The following MACF1 variants were observed in gnomAD, a reference collection of about 807,000 sequenced individuals.
MACF1 encodes microtubule actin crosslinking factor 1, also known as microtubule-actin cross-linking factor 1.
In MACF1, 193 loss-of-function variants were observed where a neutral mutation model predicts 854.8. That is an observed-to-expected ratio of 0.23 (90% CI 0.20 to 0.25). The LOEUF is 0.25. Among genes scored for constraint, MACF1 ranks in the 10% least tolerant of loss-of-function variants. The pLI is 1.00. For missense variants in MACF1, 7,722 were observed against 8,929.1 expected, an observed-to-expected ratio of 0.86 and a Z score of 5.45; for synonymous variants, 3,185 against 3,226.7, an observed-to-expected ratio of 0.99 and a Z score of 0.44.
At chr1:39,242,665 G>A (rs1327846769) in intron 2 of MACF1, among the ~76,000 whole-genome samples, 1 of 150,372 alleles carries the variant, frequency 6.7e-6, no homozygotes, top group African/African-American at 2.5e-5. Context: ...AGCCCAGGAA[G>A]TCGAGGCTAT....
chr1:39,106,257 T>C (rs1642233666), intron 2 of MACF1, among the ~76,000 whole-genome samples: 1 of 152,084 alleles, frequency 6.6e-6, no homozygotes. Context: ...CAGTTTTTGG[T>C]GGCGAGACCT....
chr1:39,332,463 C>T lies in MACF1; in HGVS notation c.5875C>T (p.Gln1959Ter). ...SKSHPKATAS[Q>*]SENLLFQLMT... ...GAGCCACCCTAAGGCCACAGCAAGC[C>T]AGAGTGAGAATCTGTTGTTCCAGCT... The change falls in exon 37 of 101, where the codon CAG (glutamine) becomes TAG (stop). Residue 1959 changes from glutamine (Q) to a stop codon, truncating the protein, a stop_gained. Coordinates refer to ENST00000564288, the MANE Select transcript of MACF1 (RefSeq NM_001394062.1). LOFTEE classifies it high-confidence loss of function. The T allele has an allele frequency of 6.2e-7, 1 of 1,614,024 alleles. No individual in the cohort carries two copies. Among genetic ancestry groups the T allele is most frequent in the Non-Finnish European group, 8.5e-7 (1 of 1,180,030 alleles).
Position 39,379,457 on chromosome 1 carries a change from C to T in MACF1, c.13518+13C>T. The T allele has an allele frequency of 6.2e-7, 1 of 1,602,092 alleles. No homozygotes were observed. Among genetic ancestry groups the T allele is most frequent in the Non-Finnish European group, 8.5e-7 (1 of 1,174,158 alleles). On this transcript the variant is annotated intron_variant, in intron 54 of 100. Transcript: ENST00000564288. Reference sequence around the variant, plus strand: ...TGAATCTAACAAGGTACTGTGTTTACATTAGTTGCCTCCCAACACCAAGAG... The same window carrying T: ...TGAATCTAACAAGGTACTGTGTTTATATTAGTTGCCTCCCAACACCAAGAG...
intron 58 of MACF1, among the ~76,000 whole-genome samples, chr1:39,406,756 A>AAAAAAC (rs746955922): frequency 7.8e-5 from 9 of 116,078 alleles, no homozygotes; most frequent in South Asian, 2.6e-4. Context: ...AAAAAAAAAA[A>AAAAAAC]AACATTCTTT....
At chr1:39,307,772 C>G (rs567902385) in intron 23 of MACF1, among the ~76,000 whole-genome samples, 1 of 151,228 alleles carries the variant, frequency 6.6e-6, no homozygotes, top group East Asian at 2.0e-4. Context: ...CGGGGTTTCG[C>G]CATGTTGGCC....
intron 70 of MACF1, 111 bp from the exon 71 acceptor site, chr1:39,437,666 C>A: frequency 1.1e-6 from 1 of 932,094 alleles, no homozygotes; most frequent in African/African-American, 1.6e-5. Flanking sequence ...CTAAACTGAG[C>A]ACAGGTTATC....
chr1:39,345,805 C>T (rs953980993), intron 40 of MACF1, among the ~76,000 whole-genome samples: 10 of 151,866 alleles, frequency 6.6e-5, no homozygotes, highest in South Asian at 2.1e-4. Context: ...GTGTGGCTCA[C>T]GCCTGTAATC....
chr1:39,433,274 A>C lies in MACF1; in HGVS notation c.17565+119A>C, dbSNP rs926073469. ...CTCCTGGACTTTTCTTATGATTGTT[A>C]TTAAAGTCCAGCTTGATGTTCTGGG... On this transcript the variant is annotated intron_variant, in intron 68 of 100. Coordinates refer to ENST00000564288, the MANE Select transcript of MACF1 (RefSeq NM_001394062.1). 22 of 577,376 alleles carry C rather than the reference A, an allele frequency of 3.8e-5. No homozygotes were observed. The African/African-American group carries it at 4.2e-4, about 11-fold the overall frequency. 35.8% of individuals were successfully genotyped at this position (577,376 alleles called of 1,614,324 possible).
chr1:39,201,301 T>A (rs1281558389), upstream of MACF1, among the ~76,000 whole-genome samples: 1 of 152,196 alleles, frequency 6.6e-6, no homozygotes, highest in Non-Finnish European at 1.5e-5. Flanking sequence ...GCATTATAGC[T>A]GGTTTCCCTG....
intron 36 of MACF1, 171 bp from the exon 37 acceptor site, chr1:39,331,032 C>G (rs1646714569): frequency 2.2e-6 from 2 of 906,076 alleles, no homozygotes; most frequent in African/African-American, 3.4e-5. Flanking sequence ...GACTCCTGAC[C>G]TCATGATTTG....
chr1:39,203,175 C>A (rs1199420692), upstream of MACF1, among the ~76,000 whole-genome samples: 1 of 152,118 alleles, frequency 6.6e-6, no homozygotes, highest in Non-Finnish European at 1.5e-5. Context: ...ACTATAGCAT[C>A]TTCATCTATA....
At chr1:39,177,385 G>A (rs1458975711) in intron 2 of MACF1, among the ~76,000 whole-genome samples, 1 of 152,146 alleles carries the variant, frequency 6.6e-6, no homozygotes, top group Non-Finnish European at 1.5e-5. Context: ...GCCTCCCAAA[G>A]TGCTGGCATT....
intron 2 of MACF1, among the ~76,000 whole-genome samples, chr1:39,178,219 C>G (rs1042264287): frequency 8.8e-6 from 1 of 113,492 alleles, no homozygotes; most frequent in African/African-American, 3.4e-5. Flanking sequence ...ACTTTAAGTT[C>G]TGGGATACAT....
At chr1:39,378,420 C>T (rs756013681) in intron 52 of MACF1, 41 bp from the exon 53 acceptor site, 4 of 1,486,230 alleles carry the variant, frequency 2.7e-6, no homozygotes, top group Admixed American at 3.4e-5. Context: ...ATTCCTAACA[C>T]GTTGGTCTTG....
chr1:39,135,731 G>C (rs982069403), intron 2 of MACF1, among the ~76,000 whole-genome samples: 1 of 152,092 alleles, frequency 6.6e-6, no homozygotes, highest in Non-Finnish European at 1.5e-5. Context: ...AGAGGGTCCA[G>C]ACCTGGCAGA....
chr1:39,331,380 G>A lies in MACF1; in HGVS notation c.4792G>A (p.Gly1598Ser), dbSNP rs1461345104. The A allele has an allele frequency of 8.1e-6, 13 of 1,613,782 alleles. No individual in the cohort carries two copies. Among genetic ancestry groups the A allele is most frequent in the Middle Eastern group, 1.6e-4 (1 of 6,078 alleles). The change falls in exon 37 of 101, where the codon GGC (glycine) becomes AGC (serine). Residue 1598 changes from glycine (G) to serine (S), a missense_variant. Physicochemically the swap from Gly to Ser is moderately conservative, Grantham distance 56. Coordinates refer to ENST00000564288, the MANE Select transcript of MACF1 (RefSeq NM_001394062.1). ...ETGENLSLEE[G>S]IARNLINPQM... is the part of the protein sequence containing the mutation. ...GGGTGAAAACCTCTCTTTGGAGGAG[G>A]GCATAGCCAGAAACCTCATTAATCC...
chr1:39,388,124 G>A lies in MACF1; in HGVS notation c.15282G>A (p.Glu5094=), dbSNP rs762056947. ...CTTCTCAACTTCTCCACCAAGCTGAGGTCGCCCAGCAAGAGTTCCTCGAAG... is the reference window on the plus strand; with the variant it reads ...CTTCTCAACTTCTCCACCAAGCTGAAGTCGCCCAGCAAGAGTTCCTCGAAG... ...SDASQLLHQA[E]VAQQEFLEVK... is the part of the protein sequence containing the mutation. Residue 5094 remains glutamate (E), a synonymous_variant, in exon 58 of 101, where the codon GAG becomes GAA. Coordinates refer to ENST00000564288, the MANE Select transcript of MACF1 (RefSeq NM_001394062.1). The A allele has an allele frequency of 5.6e-6, 9 of 1,614,114 alleles. No individual in the cohort carries two copies. In the South Asian group the frequency reaches 9.9e-5, roughly 18 times the overall value.
In MACF1 at chr1:39,283,483, G is replaced by T; in HGVS notation, c.883G>T (p.Val295Phe). ...TTCGATTTATGATGCCTTCCCTAAAGTTCCTGAGGGTGGAGAAGGGATCAG... is the reference window on the plus strand; with the variant it reads ...TTCGATTTATGATGCCTTCCCTAAATTTCCTGAGGGTGGAGAAGGGATCAG... The part of the protein sequence containing the change: ...VSSIYDAFPK[V>F]PEGGEGISAT... The change falls in exon 9 of 101, where the codon GTT becomes TTT. Residue 295 changes from valine (V) to phenylalanine (F), a missense_variant. Val to Phe is a conservative substitution (Grantham distance 50, BLOSUM62 -1). Around this residue, in one of 15 missense-constraint regions of MACF1, gnomAD observed 97 missense variants for 130.4 expected, o/e 0.74. Transcript: ENST00000564288. The surrounding 1 kb of genome is among the most constrained non-coding windows in gnomAD (Gnocchi z 4.5). 2 of 1,611,074 alleles carry T rather than the reference G, an allele frequency of 1.2e-6. No individual in the cohort carries two copies. The highest frequency in any genetic ancestry group is 2.2e-5 in the South Asian group (2 of 91,024).
At position 39,333,406 on chromosome 1, in the gene MACF1, G is replaced by A; in HGVS notation, c.6818G>A (p.Cys2273Tyr). 2 of 1,614,088 alleles carry A rather than the reference G, an allele frequency of 1.2e-6. No homozygotes were observed. Among genetic ancestry groups the A allele is most frequent in the Non-Finnish European group, 1.7e-6 (2 of 1,180,012 alleles). Residue 2273 changes from cysteine to tyrosine, a missense_variant, in exon 37 of 101, where the codon TGC becomes TAC. This residue lies in a region of MACF1 where 1,531 missense variants were observed against 1,601.6 expected (regional missense o/e 0.96). Coordinates refer to ENST00000564288, the MANE Select transcript of MACF1 (RefSeq NM_001394062.1). ...EDSGREIFLS[C>Y]SHPLELLEEA... ...AGTGGCAGGGAAATTTTTCTGTCAT[G>A]CAGTCATCCATTAGAATTGCTTGAA...
Sources: gnomAD v4.1 joint callset for allele counts (sites outside exome capture counted in the v4.1 genomes callset) on GRCh38, gnomAD v4.1.1 for gene constraint, gnomAD v4.1.1 regional missense constraint, Gnocchi (gnomAD v3.1) non-coding constraint, MANE v1.5 for transcripts, NCBI Gene and HGNC (gene_info 2026-07-23, HGNC 2026-07-21) for gene names.